GTPBP1: variants seen among roughly 807,000 people sequenced by gnomAD.
GTPBP1 encodes the protein GTP-binding protein 1.
A neutral mutation model predicts 62.0 loss-of-function variants in GTPBP1; 23 were observed. The observed-to-expected ratio is 0.37, with a 90% CI of 0.27 to 0.53. The LOEUF is 0.53. Among genes scored for constraint, GTPBP1 ranks in the 20% least tolerant of loss-of-function variants. The pLI, the probability that GTPBP1 is intolerant of heterozygous loss-of-function variation, is 0.89. For missense variants in GTPBP1, 640 were observed against 917.3 expected (o/e 0.70, Z 3.90); for synonymous variants, 344 against 364.4 (o/e 0.94, Z 0.64).
At chr22:38,712,143 G>T (rs111468276) in intron 2 of GTPBP1, among the ~76,000 whole-genome samples, 4 of 152,214 alleles carry the variant, frequency 2.6e-5, no homozygotes, top group African/African-American at 9.6e-5. Context: ...TCAAAGTGCT[G>T]GGATTACAGA....
chr22:38,726,346 A>G lies in GTPBP1; in HGVS notation c.1307A>G (p.Asn436Ser). 6.2e-7 allele frequency: 1 copy of G among 1,614,042 alleles called. No homozygotes were observed. The highest frequency in any genetic ancestry group is 8.5e-7 in the Non-Finnish European group (1 of 1,179,982). ...CTGCTGGGCCCAGACCCCTTGGGTA[A>G]CTTCCTGTCCATTGCTGTCAAATCC... ...TLLLGPDPLG[N>S]FLSIAVKSIH... Residue 436 changes from asparagine to serine, a missense_variant, in exon 8 of 12, where the codon AAC (asparagine) becomes AGC (serine). Physicochemically the swap from Asn to Ser is conservative, Grantham distance 46. Coordinates refer to ENST00000216044, the MANE Select transcript of GTPBP1 (RefSeq NM_004286.5). This position sits in a 1 kb window ranked among gnomAD's most constrained non-coding sequence, Gnocchi z 4.1.
chr22:38,717,087 G>A, intron 4 of GTPBP1, 87 bp downstream of exon 4: 2 of 815,888 alleles, frequency 2.5e-6, no homozygotes, highest in Non-Finnish European at 4.0e-6. Context: ...TTCTGAGACT[G>A]AGGCCTGTTG....
downstream of GTPBP1, chr22:38,734,246 T>A: frequency 2.2e-6 from 1 of 459,920 alleles, no homozygotes; most frequent in Non-Finnish European, 4.5e-6. Context: ...TGGGGAGCTA[T>A]CTGTGGGAAA....
rs2092709942 is a variant in GTPBP1 at position 38,723,174 on chromosome 22, C to G, written c.959-1123C>G. 10 of 858,974 alleles carry G rather than the reference C, an allele frequency of 1.2e-5. No homozygotes were observed. The East Asian group carries it at 2.4e-4, about 21-fold the overall frequency. 53.2% of individuals were successfully genotyped at this position (858,974 alleles called of 1,614,324 possible). ...GCTTTGTCACTAAAAGCAACAGTTT[C>G]TGTAGGACCACGAAGGTGAAATCCA... On this transcript the variant is annotated intron_variant, in intron 5 of 11. Coordinates refer to ENST00000216044, the MANE Select transcript of GTPBP1 (RefSeq NM_004286.5).
downstream of GTPBP1, chr22:38,740,085 G>A (rs2092841569): frequency 4.9e-6 from 6 of 1,213,432 alleles, no homozygotes; most frequent in East Asian, 4.9e-5. The surrounding 1 kb of genome is among the most constrained non-coding windows in gnomAD (Gnocchi z 4.8). Context: ...CACTCCATGG[G>A]CACTAACAAA....
intron 4 of GTPBP1, among the ~76,000 whole-genome samples, chr22:38,719,980 G>C (rs1893361835): frequency 1.3e-5 from 2 of 148,240 alleles, no homozygotes; most frequent in African/African-American, 2.5e-5. Context: ...CCAGGCTGGA[G>C]TGCAGTGGCG....
At chr22:38,728,473 C>T in intron 10 of GTPBP1, 1 of 373,386 alleles carries the variant, frequency 2.7e-6, no homozygotes, top group Non-Finnish European at 5.1e-6. Context: ...TATGGCCTCA[C>T]TGGGACCATG....
intron 6 of GTPBP1, among the ~76,000 whole-genome samples, chr22:38,724,925 C>T (rs1341399310): frequency 1.3e-5 from 2 of 152,110 alleles, no homozygotes; most frequent in African/African-American, 4.8e-5. Context: ...GTTTGTTCTG[C>T]GAGACTCTTC....
At chr22:38,741,470 C>G (rs2092856955), downstream of GTPBP1, 2 of 1,612,366 alleles carry the variant, frequency 1.2e-6, no homozygotes, top group African/African-American at 2.7e-5. Context: ...AGTCACAGGC[C>G]CTGAGTGCCG....
chr22:38,738,770 G>A (rs2145937494), downstream of GTPBP1: 1 of 1,612,352 alleles, frequency 6.2e-7, no homozygotes, highest in Non-Finnish European at 8.5e-7. The surrounding 1 kb of genome is among the most constrained non-coding windows in gnomAD (Gnocchi z 6.6). Flanking sequence ...GGAGCAGAAA[G>A]TCATGTCAGG....
At chr22:38,737,390 A>G (rs2092815361), downstream of GTPBP1, among the ~76,000 whole-genome samples, 1 of 151,094 alleles carries the variant, frequency 6.6e-6, no homozygotes, top group Non-Finnish European at 1.5e-5. The surrounding 1 kb of genome is among the most constrained non-coding windows in gnomAD (Gnocchi z 4.1). Context: ...CTCACTCCCA[A>G]CGCCCCTCTC....
intron 6 of GTPBP1, 111 bp from the exon 7 acceptor site, chr22:38,725,895 T>G (rs1448964962): frequency 1.0e-6 from 1 of 956,016 alleles, no homozygotes; most frequent in Non-Finnish European, 1.6e-6. Context: ...GAGTCATGAA[T>G]AGTGGCATCT....
In GTPBP1 at chr22:38,716,862, C is replaced by G. The variant is rs761834756; in HGVS notation, c.696C>G (p.Gly232=). 1 of 1,613,972 alleles carries G rather than the reference C, an allele frequency of 6.2e-7. No individual in the cohort carries two copies. Among genetic ancestry groups the G allele is most frequent in the Non-Finnish European group, 8.5e-7 (1 of 1,179,834 alleles). The change falls in exon 4 of 12, where the codon GGC becomes GGG. Residue 232 remains glycine (G), a synonymous_variant. Coordinates refer to ENST00000216044, the MANE Select transcript of GTPBP1 (RefSeq NM_004286.5). This position sits in a 1 kb window ranked among gnomAD's most constrained non-coding sequence, Gnocchi z 5.2. ...GNVVNKPDSH[G]GSLEWTKICE... ...TAGTGAACAAGCCTGACAGCCACGGCGGCAGCCTGGAGTGGACCAAGATCT... is the reference window on the plus strand; with the variant it reads ...TAGTGAACAAGCCTGACAGCCACGGGGGCAGCCTGGAGTGGACCAAGATCT...
At chr22:38,725,458 T>A (rs2092722121) in intron 6 of GTPBP1, 1 of 153,938 alleles carries the variant, frequency 6.5e-6, no homozygotes, top group Non-Finnish European at 1.4e-5. Context: ...GGCCTGGTAG[T>A]TGCATAAAAG....
At chr22:38,738,681 C>T (rs756290355), downstream of GTPBP1, 25 of 1,613,706 alleles carry the variant, frequency 1.5e-5, no homozygotes, top group South Asian at 1.4e-4. The surrounding 1 kb of genome is among the most constrained non-coding windows in gnomAD (Gnocchi z 6.6). Context: ...GGGGCGGATG[C>T]GGGCAGAGAG....
Position 38,716,165 on chromosome 22 carries a change from C to A in GTPBP1, c.485+78C>A. On this transcript the variant is annotated intron_variant, in intron 3 of 11. Transcript: ENST00000216044. This position sits in a 1 kb window ranked among gnomAD's most constrained non-coding sequence, Gnocchi z 5.2. ...ACTGAGCCTGTGGCACTTGGCGTGT[C>A]AGCTCCATCCTTTCCCCTCCTGAGG... is the stretch of plus-strand genomic sequence containing the variant. 1 of 1,156,272 alleles carries A rather than the reference C, an allele frequency of 8.6e-7. No homozygotes were observed. Among genetic ancestry groups the A allele is most frequent in the Non-Finnish European group, 1.3e-6 (1 of 794,146 alleles). The allele number at this position is 1,156,272 out of a possible 1,614,324, so 71.6% of individuals were successfully genotyped here. A position where few individuals can be genotyped will look rare whatever the true frequency, so the allele number is the denominator to read the frequency against.
chr22:38,741,025 A>G (rs371668226), downstream of GTPBP1: 1 of 1,598,314 alleles, frequency 6.3e-7, no homozygotes, highest in Non-Finnish European at 8.5e-7. Flanking sequence ...CTCTGACTTC[A>G]GCTGCTGGAT....
chr22:38,709,848 G>C (rs2145840489), intron 2 of GTPBP1, among the ~76,000 whole-genome samples: 1 of 152,350 alleles, frequency 6.6e-6, no homozygotes, highest in South Asian at 2.1e-4. Flanking sequence ...CATTCTGAAA[G>C]GGACTGGTTA....
At chr22:38,741,012 C>T, downstream of GTPBP1, 1 of 1,595,056 alleles carries the variant, frequency 6.3e-7, no homozygotes, top group Non-Finnish European at 8.5e-7. Flanking sequence ...AGTACCTTTG[C>T]CACTCTGACT....
Sources: allele counts gnomAD v4.1 joint callset (sites outside exome capture counted in the v4.1 genomes callset), GRCh38; gene constraint gnomAD v4.1.1; non-coding constraint Gnocchi (gnomAD v3.1); transcripts MANE v1.5; gene names NCBI Gene and HGNC (gene_info 2026-07-23, HGNC 2026-07-21).